Variants in PGM2L1 observed in about 807,000 individuals in gnomAD.
The protein encoded by PGM2L1 is phosphoglucomutase 2 like 1, also known as glucose 1,6-bisphosphate synthase.
Under a neutral mutation model 73.4 loss-of-function variants are expected in PGM2L1, and 35 were observed. The observed-to-expected ratio is 0.48, with a 90% confidence interval of 0.36 to 0.63. The LOEUF is 0.63. PGM2L1 is among the 30% of genes least tolerant of loss of function. The pLI, the probability that PGM2L1 is intolerant of heterozygous loss-of-function variation, is 0.00. For missense variants in PGM2L1, 570 were observed against 742.0 expected (o/e 0.77, Z 2.69); for synonymous variants, 225 against 253.8 (o/e 0.89, Z 1.08).
Position 74,334,273 on chromosome 11 carries a change from T to C in PGM2L1, c.*2379A>G, listed in dbSNP as rs1421612688. The C allele has an allele frequency of 6.6e-6, 1 of 152,208 alleles. No individual in the cohort carries two copies. The highest frequency in any genetic ancestry group is 2.4e-5 in the African/African-American group (1 of 41,460). The allele number at this position is 152,208 out of a possible 1,614,324, so 9.4% of individuals were successfully genotyped here. ...TTAGTAACTATGAATGAGCCGTTGA[T>C]TCATTTTAGCTTCATTTTTGTTTAT... On this transcript the variant is annotated 3_prime_UTR_variant, in exon 14 of 14. Coordinates refer to ENST00000298198, the MANE Select transcript of PGM2L1 (RefSeq NM_173582.6).
Position 74,397,963 on chromosome 11 carries a change from T to A in PGM2L1, c.111+88A>T. The A allele has an allele frequency of 2.8e-6, 4 of 1,435,172 alleles. No individual in the cohort carries two copies. The South Asian group carries it at 5.9e-5, about 21-fold the overall frequency. The allele number at this position is 1,435,172 out of a possible 1,614,324, so 88.9% of individuals were successfully genotyped here. A position where few individuals can be genotyped will look rare whatever the true frequency, so the allele number is the denominator to read the frequency against. ...GCTCGGTGTCCCGAGCCATCTCCTC[T>A]GCAGCCCGCGGGGCGCTGGGTGGGC... On this transcript the variant is annotated intron_variant, in intron 1 of 13. Coordinates refer to ENST00000298198, the MANE Select transcript of PGM2L1 (RefSeq NM_173582.6).
At position 74,333,728 on chromosome 11, in the gene PGM2L1, T is replaced by C. The variant is rs1460227037; in HGVS notation, c.*2924A>G. ...ACTGTTATGGTGTTACATTTGCCCT[T>C]CACGAGAAGCATTTCCCGTGTCTCT... On this transcript the variant is annotated 3_prime_UTR_variant, in exon 14 of 14. Coordinates refer to ENST00000298198, the MANE Select transcript of PGM2L1 (RefSeq NM_173582.6). 6.6e-6 allele frequency: 1 copy of C among 152,244 alleles called. No homozygotes were observed. The highest frequency in any genetic ancestry group is 2.4e-5 in the African/African-American group (1 of 41,462). The allele number at this position is 152,244 out of a possible 1,614,324, so 9.4% of individuals were successfully genotyped here. A position where few individuals can be genotyped will look rare whatever the true frequency, so the allele number is the denominator to read the frequency against.
chr11:74,332,486 A>C lies in PGM2L1; in HGVS notation c.*4166T>G, dbSNP rs2134869478. Reference sequence around the variant, plus strand: ...TAAGCTTAAAGCATTCTGAATGAATACAGTTGAGATTTCTTATCAGTGAGG... The same window carrying C: ...TAAGCTTAAAGCATTCTGAATGAATCCAGTTGAGATTTCTTATCAGTGAGG... On this transcript the variant is annotated 3_prime_UTR_variant, in exon 14 of 14. Coordinates refer to ENST00000298198, the MANE Select transcript of PGM2L1 (RefSeq NM_173582.6). 6.5e-6 allele frequency: 1 copy of C among 152,786 alleles called. No homozygotes were observed. Among genetic ancestry groups the C allele is most frequent in the Admixed American group, 6.5e-5 (1 of 15,310 alleles). The allele number at this position is 152,786 out of a possible 1,614,324, so 9.5% of individuals were successfully genotyped here. A position where few individuals can be genotyped will look rare whatever the true frequency, so the allele number is the denominator to read the frequency against.
At chr11:74,373,721 G>A (rs1241918004) in intron 2 of PGM2L1, among the ~76,000 whole-genome samples, 1 of 152,072 alleles carries the variant, frequency 6.6e-6, no homozygotes, top group African/African-American at 2.4e-5. Flanking sequence ...CAAATACTCT[G>A]GTTAACCTTT....
intron 6 of PGM2L1, among the ~76,000 whole-genome samples, chr11:74,349,926 T>A (rs1862324215): frequency 6.6e-6 from 1 of 152,180 alleles, no homozygotes; most frequent in South Asian, 2.1e-4. Flanking sequence ...TTCTTTGTAG[T>A]TCTTTATCCT....
At chr11:74,379,744 T>C (rs956097458) in intron 1 of PGM2L1, among the ~76,000 whole-genome samples, 1 of 151,876 alleles carries the variant, frequency 6.6e-6, no homozygotes, top group African/African-American at 2.4e-5. Context: ...GACAACATGG[T>C]AAAACCCCGC....
chr11:74,360,710 C>T lies in PGM2L1; in HGVS notation c.555+7782G>A, dbSNP rs965752664. Among the ~76,000 whole-genome samples, 6 of 152,248 alleles carry T rather than the reference C, an allele frequency of 3.9e-5. No individual in the cohort carries two copies. The South Asian group carries it at 6.2e-4, about 16-fold the overall frequency. ...TCGGGTAACTCCCACCCTAATATTG[C>T]GCTTTTCCAATGGTCTTAGCAAACC... On this transcript the variant is annotated intron_variant, in intron 5 of 13. Transcript: ENST00000298198.
At chr11:74,389,595 G>C (rs1162009843) in intron 1 of PGM2L1, among the ~76,000 whole-genome samples, 51 of 151,408 alleles carry the variant, frequency 3.4e-4, no homozygotes, top group Non-Finnish European at 2.9e-5. Context: ...TTACAGGCAA[G>C]TGCCATCACG....
intron 1 of PGM2L1, among the ~76,000 whole-genome samples, chr11:74,390,103 A>G (rs1266516905): frequency 6.9e-6 from 1 of 144,906 alleles, no homozygotes; most frequent in Non-Finnish European, 1.5e-5. Flanking sequence ...TGGGCGACAG[A>G]GCGAGACTCC....
intron 9 of PGM2L1, among the ~76,000 whole-genome samples, chr11:74,344,231 AC>A (rs1301851743): frequency 6.6e-6 from 1 of 152,084 alleles, no homozygotes; most frequent in East Asian, 1.9e-4. Flanking sequence ...CTATATTACA[AC>A]CACTAATATA....
At chr11:74,342,026 C>G (rs1862190309) in intron 12 of PGM2L1, among the ~76,000 whole-genome samples, 2 of 152,006 alleles carry the variant, frequency 1.3e-5, no homozygotes. Flanking sequence ...GTGAGGGGAA[C>G]TAGAGGTTGC....
intron 5 of PGM2L1, among the ~76,000 whole-genome samples, chr11:74,353,305 G>T (rs1862387114): frequency 6.6e-6 from 1 of 151,526 alleles, no homozygotes; most frequent in African/African-American, 2.4e-5. Flanking sequence ...AATTTCGACT[G>T]ATCTTTTCTC....
chr11:74,379,273 T>G (rs1862903648), intron 1 of PGM2L1, among the ~76,000 whole-genome samples: 1 of 152,072 alleles, frequency 6.6e-6, no homozygotes, highest in South Asian at 2.1e-4. Flanking sequence ...TCAGCCCTCA[T>G]GTGAACTAAC....
Position 74,342,479 on chromosome 11 carries a change from G to T in PGM2L1, c.1614C>A (p.Ser538Arg). Residue 538 changes from serine (S) to arginine (R), a missense_variant, in exon 12 of 14, where the codon AGC (serine) becomes AGA (arginine). By Grantham distance (110) the Ser-to-Arg change is moderately radical (BLOSUM62 -1). Coordinates refer to ENST00000298198, the MANE Select transcript of PGM2L1 (RefSeq NM_173582.6). ...VRDVTTGYDS[S>R]QPNKKSVLPV... ...TACTTACTGATTTCTTATTAGGCTG[G>T]CTACTGTCATATCCAGTGGTAACGT... The T allele has an allele frequency of 6.7e-7, 1 of 1,490,264 alleles. No individual in the cohort carries two copies. The highest frequency in any genetic ancestry group is 8.9e-7 in the Non-Finnish European group (1 of 1,118,486). The allele number at this position is 1,490,264 out of a possible 1,614,324, so 92.3% of individuals were successfully genotyped here.
At chr11:74,346,012 C>T (rs748331731) in intron 8 of PGM2L1, among the ~76,000 whole-genome samples, 38 of 151,928 alleles carry the variant, frequency 2.5e-4, no homozygotes, top group Non-Finnish European at 4.9e-4. Flanking sequence ...TGCCTGTAAT[C>T]GCAGCACTTT....
At chr11:74,345,759 A>C in intron 8 of PGM2L1, 110 bp from the exon 9 acceptor site, 1 of 931,496 alleles carries the variant, frequency 1.1e-6, no homozygotes, top group Non-Finnish European at 1.6e-6. Flanking sequence ...AAAAACTATC[A>C]TATGGGATTT....
chr11:74,369,449 T>C (rs761238921), intron 4 of PGM2L1, among the ~76,000 whole-genome samples: 4 of 152,160 alleles, frequency 2.6e-5, no homozygotes, highest in Non-Finnish European at 5.9e-5. Flanking sequence ...ACTTTAGACA[T>C]ACTACCAGGG....
intron 7 of PGM2L1, 73 bp from the exon 8 acceptor site, chr11:74,346,902 C>A: frequency 8.2e-7 from 1 of 1,224,400 alleles, no homozygotes; most frequent in Non-Finnish European, 1.2e-6. Context: ...TGTATGTAGG[C>A]ACAATGTTAG....
chr11:74,383,939 A>G (rs1862985878), intron 1 of PGM2L1, among the ~76,000 whole-genome samples: 1 of 151,070 alleles, frequency 6.6e-6, no homozygotes, highest in South Asian at 2.1e-4. Context: ...ACGTGTGCAT[A>G]TATCTTTATA....
Sources: gnomAD v4.1 joint callset for allele counts (sites outside exome capture counted in the v4.1 genomes callset) on GRCh38, gnomAD v4.1.1 for gene constraint, MANE v1.5 for transcripts, NCBI Gene and HGNC (gene_info 2026-07-23, HGNC 2026-07-21) for gene names.